Variants in GCNT2 observed in about 807,000 individuals in gnomAD.
GCNT2 encodes glucosaminyl (N-acetyl) transferase 2 (I blood group).
Under a neutral mutation model 34.2 loss-of-function variants are expected in GCNT2, and 34 were observed. That is an observed-to-expected ratio of 1.00 (90% CI 0.76 to 1.32). The LOEUF is 1.32. Ranked by LOEUF, GCNT2 falls within the 40% of genes most tolerant of loss-of-function variation. The probability of loss-of-function intolerance (pLI) is 0.00; values close to 1 mark genes in which losing one functional copy is unlikely to be tolerated. For missense variants in GCNT2, 584 were observed against 489.4 expected, an observed-to-expected ratio of 1.19 and a Z score of -1.82; for synonymous variants, 212 against 188.0, an observed-to-expected ratio of 1.13 and a Z score of -1.04.
chr6:10,529,360 C>G lies in GCNT2; in HGVS notation c.449C>G (p.Ala150Gly). The change falls in exon 3 of 5, where the codon GCT becomes GGT. Residue 150 changes from alanine (A) to glycine (G), a missense_variant. Physicochemically the swap from Ala to Gly is moderately conservative, Grantham distance 60. Transcript: ENST00000495262. ...CAGTTACTCAGCTGCTTCCCAAATG[C>G]TTTTCTGGCTTCCAAGAAGGAGTCG... ...VKQLLSCFPNAFLASKKESVV... is the reference protein window; with the variant it reads ...VKQLLSCFPNGFLASKKESVV... 6.2e-7 allele frequency: 1 copy of G among 1,614,064 alleles called. No individual in the cohort carries two copies. The highest frequency in any genetic ancestry group is 1.1e-5 in the South Asian group (1 of 91,068).
chr6:10,626,401 G>A lies in GCNT2; in HGVS notation c.1019-16G>A, dbSNP rs745727259. The A allele has an allele frequency of 6.3e-7, 1 of 1,593,938 alleles. No homozygotes were observed. Among genetic ancestry groups the A allele is most frequent in the Non-Finnish European group, 8.6e-7 (1 of 1,161,754 alleles). ...CAAGCATGTTTTGACTCTGTTTCTT[G>A]TTCTTTCTTTTGCAGGCCACTATGT... On this transcript the variant is annotated splice_polypyrimidine_tract_variant and intron_variant, in intron 4 of 4. Transcript: ENST00000495262.
chr6:10,603,250 G>A (rs889476573), intron 3 of GCNT2, among the ~76,000 whole-genome samples: 1 of 152,168 alleles, frequency 6.6e-6, no homozygotes, highest in Non-Finnish European at 1.5e-5. Flanking sequence ...CTTGTAAAAG[G>A]TTGTTTTCAA....
chr6:10,547,178 AT>A (rs1365067244), intron 3 of GCNT2, among the ~76,000 whole-genome samples: 8 of 152,082 alleles, frequency 5.3e-5, no homozygotes, highest in Non-Finnish European at 1.2e-4. Flanking sequence ...TTATTCATAT[AT>A]TTTTCTTAAA....
Position 10,529,682 on chromosome 6 carries a change from C to T in GCNT2, c.771C>T (p.Asp257=). 1.2e-6 allele frequency: 2 copies of T among 1,614,110 alleles called. No individual in the cohort carries two copies. The highest frequency in any genetic ancestry group is 2.2e-5 in the South Asian group (2 of 91,076). The change falls in exon 3 of 5, where the codon GAC becomes GAT. Residue 257 remains aspartate (D), a synonymous_variant. Coordinates refer to ENST00000495262, the MANE Select transcript of GCNT2 (RefSeq NM_145649.5). ...AATTAAAAACTCCTCCTCCTCATGACATGGTGATTTACTTTGGCACGGCCT... is the reference window on the plus strand; with the variant it reads ...AATTAAAAACTCCTCCTCCTCATGATATGGTGATTTACTTTGGCACGGCCT... ...TTKLKTPPPH[D]MVIYFGTAYV...
At position 10,529,761 on chromosome 6, in the gene GCNT2, C is replaced by T. The variant is rs141698805; in HGVS notation, c.850C>T (p.Leu284Phe). Residue 284 changes from leucine (L) to phenylalanine (F), a missense_variant, in exon 3 of 5, where the codon CTT (leucine) becomes TTT (phenylalanine). By Grantham distance (22) the Leu-to-Phe change is conservative (BLOSUM62 0). Coordinates refer to ENST00000495262, the MANE Select transcript of GCNT2 (RefSeq NM_145649.5). The stretch of plus-strand genomic sequence containing the variant: ...CTTCGTCCTCCAAGACCAGCTCGCA[C>T]TTGACTTACTCTCCTGGTCCAAGGA... ...ANFVLQDQLA[L>F]DLLSWSKDTY... The T allele has an allele frequency of 1.4e-4, 234 of 1,614,156 alleles. 1 individual carries two copies. The African/African-American group carries it at 2.5e-3, about 17-fold the overall frequency.
At chr6:10,538,437 A>AATATATATATATATATATATATATAT (rs1554127248) in intron 3 of GCNT2, among the ~76,000 whole-genome samples, 4 of 73,336 alleles carry the variant, frequency 5.5e-5, no homozygotes, top group African/African-American at 4.8e-4. Flanking sequence ...AAAAAAAAAA[A>AATATATATATATATATATATATATAT]ATATATATAT....
chr6:10,586,461 T>C lies in GCNT2; in HGVS notation c.926-34890T>C, dbSNP rs781214421. On this transcript the variant is annotated intron_variant, in intron 3 of 4. Transcript: ENST00000495262. ...TGCTTTCATTGCTTCAAAGACAGAG[T>C]CTGTGGTTTATGCAGGCATTTCCAG... 5.4e-5 allele frequency: 87 copies of C among 1,613,854 alleles called. 1 individual carries two copies. Among genetic ancestry groups the C allele is most frequent in the Non-Finnish European group, 4.3e-5 (51 of 1,179,980 alleles).
chr6:10,564,170 G>T (rs1236428192), intron 3 of GCNT2, among the ~76,000 whole-genome samples: 1 of 152,092 alleles, frequency 6.6e-6, no homozygotes, highest in Non-Finnish European at 1.5e-5. Context: ...GAGTATCTCA[G>T]TTGAATCTCC....
intron 1 of GCNT2, among the ~76,000 whole-genome samples, chr6:10,522,048 C>A (rs1251218516): frequency 6.6e-6 from 1 of 151,896 alleles, no homozygotes; most frequent in Non-Finnish European, 1.5e-5. Flanking sequence ...CAACCAAGCC[C>A]GGCTAATTTT....
chr6:10,598,475 C>G (rs1213188884), intron 3 of GCNT2, among the ~76,000 whole-genome samples: 1 of 152,210 alleles, frequency 6.6e-6, no homozygotes, highest in Non-Finnish European at 1.5e-5. Context: ...TTGAATTTCT[C>G]TCTTTGTCAC....
intron 3 of GCNT2, among the ~76,000 whole-genome samples, chr6:10,585,244 A>G (rs1382796189): frequency 6.6e-6 from 1 of 152,156 alleles, no homozygotes; most frequent in Non-Finnish European, 1.5e-5. Context: ...CAGTGCTGCC[A>G]TCATAGCTCA....
In GCNT2 at chr6:10,586,657, A is replaced by G. The variant is rs1427752759; in HGVS notation, c.926-34694A>G. 1.9e-6 allele frequency: 3 copies of G among 1,614,096 alleles called. No homozygotes were observed. In the East Asian group the frequency reaches 6.7e-5, roughly 36 times the overall value. On this transcript the variant is annotated intron_variant, in intron 3 of 4. Transcript: ENST00000495262. ...ATCACCCCAGGGGTGCTGCCTCCTGACCATGCAATTAAGCGAACTAAATAT... is the reference window on the plus strand; with the variant it reads ...ATCACCCCAGGGGTGCTGCCTCCTGGCCATGCAATTAAGCGAACTAAATAT...
chr6:10,624,355 G>A (rs1259865670), intron 4 of GCNT2, among the ~76,000 whole-genome samples: 1 of 152,188 alleles, frequency 6.6e-6, no homozygotes, highest in Non-Finnish European at 1.5e-5. Flanking sequence ...ATCTTACATG[G>A]TGGCAGGAAA....
chr6:10,564,440 C>A (rs187412676), intron 3 of GCNT2, among the ~76,000 whole-genome samples: 82 of 152,340 alleles, frequency 5.4e-4, no homozygotes, highest in African/African-American at 1.8e-3. Context: ...CCCTGCTGAT[C>A]TGGCTCTTCC....
At chr6:10,521,953 A>T (rs1760936658) in intron 1 of GCNT2, among the ~76,000 whole-genome samples, 1 of 151,360 alleles carries the variant, frequency 6.6e-6, no homozygotes, top group Non-Finnish European at 1.5e-5. Context: ...AGGCGAGAGT[A>T]CGGTGGTGCG....
chr6:10,573,245 G>A (rs767726729), intron 3 of GCNT2: 5 of 984,604 alleles, frequency 5.1e-6, no homozygotes, highest in African/African-American at 3.5e-5. Context: ...TGCGACATTC[G>A]GAATCAGAGA....
intron 3 of GCNT2, chr6:10,556,391 A>G (rs1228226843): frequency 1.2e-6 from 2 of 1,612,700 alleles, no homozygotes; most frequent in South Asian, 2.2e-5. Flanking sequence ...ACAGATTTTG[A>G]CGGTCTCTTG....
intron 3 of GCNT2, among the ~76,000 whole-genome samples, chr6:10,563,858 A>G (rs1017840948): frequency 6.7e-6 from 1 of 149,790 alleles, no homozygotes; most frequent in Non-Finnish European, 1.5e-5. Context: ...AAATCAAAAT[A>G]AAAAGAAACA....
At chr6:10,608,049 A>G (rs1765398315) in intron 3 of GCNT2, among the ~76,000 whole-genome samples, 1 of 151,720 alleles carries the variant, frequency 6.6e-6, no homozygotes, top group African/African-American at 2.4e-5. Flanking sequence ...CAATAGATTG[A>G]AATGCTGAGT....
Sources: allele counts gnomAD v4.1 joint callset (sites outside exome capture counted in the v4.1 genomes callset), GRCh38; gene constraint gnomAD v4.1.1; transcripts MANE v1.5; gene names NCBI Gene and HGNC (gene_info 2026-07-23, HGNC 2026-07-21).